Variants in TMEM63A observed in about 807,000 individuals in gnomAD.
TMEM63A encodes transmembrane protein 63A.
In TMEM63A, 76 loss-of-function variants were observed where a neutral mutation model predicts 100.6. The ratio of observed to expected loss-of-function variants is 0.76; its 90% CI spans 0.63 to 0.91. TMEM63A has a LOEUF of 0.91. Among genes scored for constraint, TMEM63A ranks in the 40% least tolerant of loss-of-function variants. TMEM63A has a pLI of 0.00. For missense variants in TMEM63A, 876 were observed against 1,008.8 expected (o/e 0.87, Z 1.78); for synonymous variants, 401 against 401.1 (o/e 1.00, Z 0.00).
At chr1:225,882,158 AT>A (rs1671121276) in intron 1 of TMEM63A, 145 bp downstream of exon 1, 1 of 152,330 alleles carries the variant, frequency 6.6e-6, no homozygotes, top group African/African-American at 2.4e-5. Flanking sequence ...CTCCCACCCA[AT>A]CCCGCGTCGT....
intron 6 of TMEM63A, among the ~76,000 whole-genome samples, chr1:225,868,768 A>G (rs360086): frequency 0.96 from 145,340 of 152,076 alleles, 69,473 homozygotes; most frequent in East Asian, 1. Context: ...TCCCCCTCAG[A>G]TGGAGACCTG....
At chr1:225,872,984 A>G (rs1252546256) in intron 4 of TMEM63A, among the ~76,000 whole-genome samples, 1 of 152,098 alleles carries the variant, frequency 6.6e-6, no homozygotes, top group Non-Finnish European at 1.5e-5. Context: ...GTGAGCCAAC[A>G]TGCCTGGCTG....
intron 20 of TMEM63A, 36 bp downstream of exon 20, chr1:225,852,628 C>T: frequency 6.2e-7 from 1 of 1,600,336 alleles, no homozygotes; most frequent in East Asian, 2.2e-5. Flanking sequence ...CGTCCATGTA[C>T]CCATGTACCC....
chr1:225,877,276 A>G (rs1670853512), intron 3 of TMEM63A, 119 bp downstream of exon 3: 1 of 1,145,094 alleles, frequency 8.7e-7, no homozygotes, highest in Non-Finnish European at 1.2e-6. Flanking sequence ...GGTAAGCAGC[A>G]GAGTTGAGAT....
chr1:225,873,496 G>A (rs1415860965), intron 4 of TMEM63A, among the ~76,000 whole-genome samples: 1 of 152,114 alleles, frequency 6.6e-6, no homozygotes, highest in Non-Finnish European at 1.5e-5. Flanking sequence ...GGCAGCTGGG[G>A]CCAGTCCCTG....
intron 14 of TMEM63A, chr1:225,859,628 G>T: frequency 2.5e-6 from 1 of 406,712 alleles, no homozygotes; most frequent in East Asian, 4.9e-5. Context: ...CTCCAGCATG[G>T]CATTTATTTT....
intron 3 of TMEM63A, among the ~76,000 whole-genome samples, chr1:225,876,063 CAAAAAAAAAAAAAAAAAAAAA>C (rs532420561): frequency 2.4e-4 from 8 of 32,920 alleles, no homozygotes; most frequent in East Asian, 1.3e-3. Flanking sequence ...GACCTTGTCT[CAAAAAAAAAAAAAAAAAAAAA>C]AAAAAAAAAA....
At chr1:225,840,822 C>A (rs1576033768), downstream of TMEM63A, 1 of 152,306 alleles carries the variant, frequency 6.6e-6, no homozygotes, top group Non-Finnish European at 1.5e-5. Flanking sequence ...TTGTCTTGCC[C>A]ATCTCAAAGT....
intron 20 of TMEM63A, among the ~76,000 whole-genome samples, chr1:225,851,800 A>AT (rs957847956): frequency 1.6e-4 from 24 of 152,396 alleles, no homozygotes; most frequent in African/African-American, 5.8e-4. Context: ...CACTGCCAGC[A>AT]GTCTCTTGGG....
Position 225,853,827 on chromosome 1 carries a change from G to C in TMEM63A, c.1635-36C>G. 6.5e-7 allele frequency: 1 copy of C among 1,544,666 alleles called. No homozygotes were observed. Among genetic ancestry groups the C allele is most frequent in the South Asian group, 1.3e-5 (1 of 79,468 alleles). ...CAGGGCCCAGGTCTGTGAGCTGAGA[G>C]CCGCTCTTGGAGGGAGAGGAGGGGC... On this transcript the variant is annotated intron_variant, in intron 18 of 24. Transcript: ENST00000366835. The surrounding 1 kb of genome is among the most constrained non-coding windows in gnomAD (Gnocchi z 4.0).
At chr1:225,864,454 C>G (rs1221932659) in intron 10 of TMEM63A, 1 of 152,172 alleles carries the variant, frequency 6.6e-6, no homozygotes, top group Admixed American at 6.5e-5. Context: ...CAACAGCATT[C>G]ACTAAAAAGG....
Position 225,852,777 on chromosome 1 carries a change from G to A in TMEM63A, c.1798-8C>T. ...GTACTGGAAGGCCTGGTTCTGGGAGGAGGAGGTGGTGAGGAGCTCATGGAC... is the reference window on the plus strand; with the variant it reads ...GTACTGGAAGGCCTGGTTCTGGGAGAAGGAGGTGGTGAGGAGCTCATGGAC... On this transcript the variant is annotated splice_region_variant and splice_polypyrimidine_tract_variant and intron_variant, in intron 19 of 24. Transcript: ENST00000366835. The A allele has an allele frequency of 6.2e-7, 1 of 1,613,510 alleles. No individual in the cohort carries two copies. Among genetic ancestry groups the A allele is most frequent in the African/African-American group, 1.3e-5 (1 of 75,058 alleles).
At chr1:225,870,754 T>C (rs560063595) in intron 6 of TMEM63A, among the ~76,000 whole-genome samples, 1 of 152,352 alleles carries the variant, frequency 6.6e-6, no homozygotes, top group East Asian at 1.9e-4. Flanking sequence ...ACTGAATATG[T>C]TGAAATAAAT....
Position 225,856,653 on chromosome 1 carries a change from T to A in TMEM63A, c.1570A>T (p.Ser524Cys). 1 of 1,613,776 alleles carries A rather than the reference T, an allele frequency of 6.2e-7. No individual in the cohort carries two copies. The highest frequency in any genetic ancestry group is 1.7e-5 in the Admixed American group (1 of 59,932). Residue 524 changes from serine (S) to cysteine (C), a missense_variant and splice_region_variant, in exon 17 of 25, where the codon AGT (serine) becomes TGT (cysteine). Ser to Cys is a moderately radical substitution (Grantham distance 112). Around this residue, in one of 5 missense-constraint regions of TMEM63A, gnomAD observed 487 missense variants for 581.9 expected, o/e 0.84. Transcript: ENST00000366835. Reference protein sequence around the residue: ...VLILPSLGLTSLDFFFRWLFD... With the variant: ...VLILPSLGLTCLDFFFRWLFD... ...AGAGCAGAAGGTGGTGGCATATACC[T>A]GGTGAGACCCAGGGAGGGCAGGATC...
rs1330289858 is a variant in TMEM63A at position 225,865,583 on chromosome 1, G to GGTCAAC, written c.746+308_746+313dup. The GGTCAAC allele has an allele frequency of 3.1e-5, 9 of 286,894 alleles. No homozygotes were observed. Among genetic ancestry groups the GGTCAAC allele is most frequent in the Non-Finnish European group, 5.5e-5 (8 of 145,842 alleles). The allele number at this position is 286,894 out of a possible 1,614,324, so 17.8% of individuals were successfully genotyped here. A position where few individuals can be genotyped will look rare whatever the true frequency, so the allele number is the denominator to read the frequency against. Reference sequence around the variant, plus strand: ...GCAAAGGTGATGCTAAGAACCCCGGGGTCAACAATTTTTTCCCCCGTATGC... The same window carrying GGTCAAC: ...GCAAAGGTGATGCTAAGAACCCCGGGGTCAACGTCAACAATTTTTTCCCCCGTATGC... On this transcript the variant is annotated intron_variant, in intron 10 of 24. Transcript: ENST00000366835. The surrounding 1 kb of genome is among the most constrained non-coding windows in gnomAD (Gnocchi z 4.6).
rs781689352 is a variant in TMEM63A at position 225,848,919 on chromosome 1, T to C, written c.2165A>G (p.His722Arg). The C allele has an allele frequency of 1.3e-6, 2 of 1,596,118 alleles. No homozygotes were observed. Among genetic ancestry groups the C allele is most frequent in the African/African-American group, 2.7e-5 (2 of 74,706 alleles). ...TACTTTGTAGTTCAGAGGGCTGAGG[T>C]GCTTGAAGCATCCAAAGCAGGTGTG... is the stretch of plus-strand genomic sequence containing the variant. ...LAHTCFGCFK[H>R]LSPLNYKTEE... Residue 722 changes from histidine to arginine, a missense_variant, in exon 22 of 25, where the codon CAC (histidine) becomes CGC (arginine). Around this residue, in one of 5 missense-constraint regions of TMEM63A, gnomAD observed 339 missense variants for 342.3 expected, o/e 0.99. Coordinates refer to ENST00000366835, the MANE Select transcript of TMEM63A (RefSeq NM_014698.3).
At position 225,876,063 on chromosome 1, in the gene TMEM63A, C is replaced by CAAAA. The variant is rs532420561; in HGVS notation, c.186+1328_186+1331dup. Among the ~76,000 whole-genome samples, 33 of 32,920 alleles carry CAAAA rather than the reference C, an allele frequency of 1.0e-3. 2 individuals carry two copies. The highest frequency in any genetic ancestry group is 3.8e-3 in the East Asian group (3 of 796). The allele number at this position is 32,920 out of a possible 152,430, so 21.6% of individuals were successfully genotyped here. A position where few individuals can be genotyped will look rare whatever the true frequency, so the allele number is the denominator to read the frequency against. ...CCTGGGTGACAGTGAGACCTTGTCT[C>CAAAA]AAAAAAAAAAAAAAAAAAAAAAAAA... is the stretch of plus-strand genomic sequence containing the variant. On this transcript the variant is annotated intron_variant, in intron 3 of 24. Transcript: ENST00000366835.
At chr1:225,841,592 T>C (rs922409293), downstream of TMEM63A, among the ~76,000 whole-genome samples, 2 of 138,620 alleles carry the variant, frequency 1.4e-5, no homozygotes, top group African/African-American at 5.5e-5. Context: ...CCTGTCCCAC[T>C]GTCCCAGCCT....
chr1:225,853,775 C>A lies in TMEM63A; in HGVS notation c.1651G>T (p.Asp551Tyr). 6.2e-7 allele frequency: 1 copy of A among 1,605,890 alleles called. No individual in the cohort carries two copies. Among genetic ancestry groups the A allele is most frequent in the South Asian group, 1.1e-5 (1 of 89,420 alleles). Residue 551 changes from aspartate to tyrosine, a missense_variant, in exon 19 of 25, where the codon GAC (aspartate) becomes TAC (tyrosine). Physicochemically the swap from Asp to Tyr is radical, Grantham distance 160. Transcript: ENST00000366835. This position sits in a 1 kb window ranked among gnomAD's most constrained non-coding sequence, Gnocchi z 4.0. ...SIRLECVFLP[D>Y]QGAFFVNYVI... ...TAGTTCACAAAGAAGGCACCCTGGTCAGGCAGGAAGACGCACCTGGGGAAA... is the reference window on the plus strand; with the variant it reads ...TAGTTCACAAAGAAGGCACCCTGGTAAGGCAGGAAGACGCACCTGGGGAAA...
Sources: allele counts gnomAD v4.1 joint callset (sites outside exome capture counted in the v4.1 genomes callset), GRCh38; gene constraint gnomAD v4.1.1; regional missense constraint gnomAD v4.1.1; non-coding constraint Gnocchi (gnomAD v3.1); transcripts MANE v1.5; gene names NCBI Gene and HGNC (gene_info 2026-07-23, HGNC 2026-07-21).